Variants in DENND2D observed in about 807,000 individuals in gnomAD.
DENND2D encodes DENN domain-containing protein 2D.
In DENND2D, 37 loss-of-function variants were observed where a neutral mutation model predicts 59.8. That is an observed-to-expected ratio of 0.62 (90% CI 0.48 to 0.81). The LOEUF is 0.81. DENND2D is among the 40% of genes least tolerant of loss of function. The probability of loss-of-function intolerance (pLI) is 0.00; values close to 1 mark genes in which losing one functional copy is unlikely to be tolerated. For synonymous variants in DENND2D, 219 were observed against 211.3 expected, an observed-to-expected ratio of 1.04 and a Z score of -0.31; for missense variants, 525 against 579.7, an observed-to-expected ratio of 0.91 and a Z score of 0.97.
At chr1:111,187,764 T>C (rs762676079) in intron 11 of DENND2D, 83 bp from the exon 12 acceptor site, 2 of 1,094,670 alleles carry the variant, frequency 1.8e-6, no homozygotes, top group South Asian at 1.3e-5. Context: ...ATCAGAAATA[T>C]CCTGTCTGCT....
rs769717736 is a variant in DENND2D, at chr1:111,192,288, G to A, written c.824C>T (p.Ala275Val). 6.2e-7 allele frequency: 1 copy of A among 1,610,500 alleles called. No homozygotes were observed. The highest frequency in any genetic ancestry group is 8.5e-7 in the Non-Finnish European group (1 of 1,177,652). ...CCAGCTGAAGGGGTAGAGCAGTGCG[G>A]CAGCAGCATGGATGCACTGAGACAA... ...STLSQCIHAA[A>V]ALLYPFSWAH... The change falls in exon 8 of 12, where the codon GCC becomes GTC. Residue 275 changes from alanine to valine, a missense_variant. Transcript: ENST00000357640.
chr1:111,204,282 C>G, upstream of DENND2D: 2 of 1,470,832 alleles, frequency 1.4e-6, no homozygotes, highest in Non-Finnish European at 1.8e-6. Flanking sequence ...GCGCTCTCCC[C>G]GGCCGGCACT....
In DENND2D at chr1:111,194,657, G is replaced by A; in HGVS notation, c.715C>T (p.Leu239Phe). The A allele has an allele frequency of 6.2e-7, 1 of 1,614,056 alleles. No homozygotes were observed. Among genetic ancestry groups the A allele is most frequent in the Non-Finnish European group, 8.5e-7 (1 of 1,179,998 alleles). ...ATCTGAAGTATCTGTTCAAAACTGA[G>A]ACAGTGCAATAGAGAACTAAAATCC... is the stretch of plus-strand genomic sequence containing the variant. Reference protein sequence around the residue: ...HVDFSSLLHCLSFEQILQIFA... With the variant: ...HVDFSSLLHCFSFEQILQIFA... The change falls in exon 7 of 12, where the codon CTC becomes TTC. Residue 239 changes from leucine to phenylalanine, a missense_variant. By Grantham distance (22) the Leu-to-Phe change is conservative (BLOSUM62 0). Coordinates refer to ENST00000357640, the MANE Select transcript of DENND2D (RefSeq NM_024901.5).
intron 6 of DENND2D, chr1:111,195,016 A>G: frequency 2.5e-6 from 1 of 398,054 alleles, no homozygotes. Flanking sequence ...TCCTGCCTGC[A>G]GCCTTCACAG....
chr1:111,195,521 A>G, intron 6 of DENND2D: 2 of 197,826 alleles, frequency 1.0e-5, no homozygotes, highest in South Asian at 7.2e-5. Context: ...GGAGACTCGG[A>G]GGTGGGGATG....
chr1:111,194,378 G>C (rs902508552), intron 7 of DENND2D, among the ~76,000 whole-genome samples, 200 bp downstream of exon 7: 1 of 152,202 alleles, frequency 6.6e-6, no homozygotes, highest in African/African-American at 2.4e-5. Flanking sequence ...TCAGGCCCAG[G>C]CAGCAGTCCT....
At chr1:111,197,607 C>T (rs1379052295) in intron 4 of DENND2D, 3 of 1,354,236 alleles carry the variant, frequency 2.2e-6, no homozygotes, top group East Asian at 2.9e-5. Flanking sequence ...CAAGTCCCAG[C>T]CTCTGCTCTG....
At chr1:111,200,722 C>A, upstream of DENND2D, 1 of 1,264,682 alleles carries the variant, frequency 7.9e-7, no homozygotes, top group Non-Finnish European at 1.0e-6. Context: ...GATCTCAGCT[C>A]CTCCCAAGAG....
intron 4 of DENND2D, 91 bp from the exon 5 acceptor site, chr1:111,197,344 G>C (rs1557961177): frequency 6.5e-7 from 1 of 1,535,212 alleles, no homozygotes; most frequent in East Asian, 2.4e-5. Context: ...CTGAGGGCTG[G>C]GGAGGGGGAT....
intron 7 of DENND2D, 87 bp downstream of exon 7, chr1:111,194,491 C>T: frequency 6.7e-7 from 1 of 1,499,518 alleles, no homozygotes; most frequent in Admixed American, 1.9e-5. Flanking sequence ...ACCCTACAGC[C>T]CATTTTCCTT....
chr1:111,193,896 G>A (rs975559159), intron 7 of DENND2D, among the ~76,000 whole-genome samples: 2 of 152,212 alleles, frequency 1.3e-5, no homozygotes, highest in African/African-American at 4.8e-5. Flanking sequence ...GTGAACTTAA[G>A]AACAGAAGCT....
chr1:111,197,274 T>TC, intron 4 of DENND2D, 21 bp from the exon 5 acceptor site: 2 of 1,604,930 alleles, frequency 1.2e-6, no homozygotes. Context: ...ACAGAGAGGC[T>TC]CCTTCAGTGC....
intron 4 of DENND2D, 25 bp downstream of exon 4, chr1:111,197,895 A>G (rs1193683307): frequency 6.2e-7 from 1 of 1,613,322 alleles, no homozygotes; most frequent in East Asian, 2.2e-5. Context: ...GCAGAAAGGA[A>G]GGGGCAGTTC....
intron 8 of DENND2D, among the ~76,000 whole-genome samples, chr1:111,190,160 T>G (rs1469662190): frequency 3.4e-5 from 2 of 58,248 alleles, no homozygotes; most frequent in Non-Finnish European, 6.1e-5. Context: ...CGAGACTCTG[T>G]CTCAAAAAAA....
At chr1:111,202,631 C>T (rs1658914276), upstream of DENND2D, among the ~76,000 whole-genome samples, 1 of 151,514 alleles carries the variant, frequency 6.6e-6, no homozygotes, top group South Asian at 2.1e-4. Context: ...GGAAGCTGGC[C>T]CATCCCTTCC....
At chr1:111,202,177 A>G (rs1284646857), upstream of DENND2D, among the ~76,000 whole-genome samples, 1 of 152,238 alleles carries the variant, frequency 6.6e-6, no homozygotes, top group Non-Finnish European at 1.5e-5. Flanking sequence ...GATTCTAATG[A>G]AATTATGCCT....
At chr1:111,204,451 G>C, upstream of DENND2D, 1 of 1,203,772 alleles carries the variant, frequency 8.3e-7, no homozygotes, top group Non-Finnish European at 1.1e-6. Context: ...TTCACGCGGG[G>C]GGAGGCCTAG....
At chr1:111,204,082 T>A (rs1201622806), upstream of DENND2D, 67 of 106,832 alleles carry the variant, frequency 6.3e-4, no homozygotes, top group Middle Eastern at 3.3e-3. Context: ...CCCTCAGGCC[T>A]GGCCTCGCCG....
In DENND2D at chr1:111,198,692, T is replaced by C; in HGVS notation, c.294A>G (p.Lys98=). 6.2e-7 allele frequency: 1 copy of C among 1,614,180 alleles called. No homozygotes were observed. Among genetic ancestry groups the C allele is most frequent in the South Asian group, 1.1e-5 (1 of 91,084 alleles). The change falls in exon 3 of 12, where the codon AAA becomes AAG. Residue 98 remains lysine (K), a synonymous_variant. Coordinates refer to ENST00000357640, the MANE Select transcript of DENND2D (RefSeq NM_024901.5). Reference sequence around the variant, plus strand: ...CTGGGAAGCAGAACAAGGGGATAGCTTTGAGCAGCCGCTCCTCCTCCTCCT... The same window carrying C: ...CTGGGAAGCAGAACAAGGGGATAGCCTTGAGCAGCCGCTCCTCCTCCTCCT... ...GQQEEEERLL[K]AIPLFCFPDG...
Sources: allele counts gnomAD v4.1 joint callset (sites outside exome capture counted in the v4.1 genomes callset), GRCh38; gene constraint gnomAD v4.1.1; transcripts MANE v1.5; gene names NCBI Gene and HGNC (gene_info 2026-07-23, HGNC 2026-07-21).